DLEC1: variants seen among roughly 807,000 people sequenced by gnomAD.
DLEC1 encodes the protein DLEC1 cilia and flagella associated protein, also known as deleted in lung and esophageal cancer protein 1.
A neutral mutation model predicts 198.1 loss-of-function variants in DLEC1; 146 were observed. That is an observed-to-expected ratio of 0.74 (90% CI 0.64 to 0.85). The LOEUF is 0.85. Ranked by LOEUF, DLEC1 falls within the 40% of genes least tolerant of loss-of-function variation. DLEC1 has a pLI of 0.00. For synonymous variants in DLEC1, 897 were observed against 866.8 expected, an observed-to-expected ratio of 1.03 and a Z score of -0.61; for missense variants, 2,233 against 2,220.0, an observed-to-expected ratio of 1.01 and a Z score of -0.12.
Position 38,122,951 on chromosome 3 carries a change from C to A in DLEC1, c.*539C>A. ...CTGTCCACTGCCACCACCACCAGTG[C>A]TGAGTTTTCCCATGTGGTTTTGCTT... On this transcript the variant is annotated 3_prime_UTR_variant, in exon 37 of 37. Coordinates refer to ENST00000308059, the MANE Select transcript of DLEC1 (RefSeq NM_007335.4). The A allele has an allele frequency of 1.6e-6, 2 of 1,276,918 alleles. No homozygotes were observed. Among genetic ancestry groups the A allele is most frequent in the Non-Finnish European group, 2.3e-6 (2 of 885,752 alleles). 79.1% of individuals were successfully genotyped at this position (1,276,918 alleles called of 1,614,324 possible). A position where few individuals can be genotyped will look rare whatever the true frequency, so the allele number is the denominator to read the frequency against.
chr3:38,122,711 A>C lies in DLEC1; in HGVS notation c.*299A>C. 1 of 1,382,948 alleles carries C rather than the reference A, an allele frequency of 7.2e-7. No homozygotes were observed. Among genetic ancestry groups the C allele is most frequent in the Non-Finnish European group, 9.4e-7 (1 of 1,060,544 alleles). The allele number at this position is 1,382,948 out of a possible 1,614,324, so 85.7% of individuals were successfully genotyped here. A position where few individuals can be genotyped will look rare whatever the true frequency, so the allele number is the denominator to read the frequency against. ...GTCTTGGAAAAAAACCACAGCCACT[A>C]AGATAAATTCATGCACTTTTACTAT... On this transcript the variant is annotated 3_prime_UTR_variant, in exon 37 of 37. Coordinates refer to ENST00000308059, the MANE Select transcript of DLEC1 (RefSeq NM_007335.4).
chr3:38,069,006 A>G (rs1697175854), intron 6 of DLEC1, among the ~76,000 whole-genome samples: 1 of 152,208 alleles, frequency 6.6e-6, no homozygotes, highest in Non-Finnish European at 1.5e-5. Flanking sequence ...GGGAATATCC[A>G]TATCCTCCAT....
rs1271193639 is a variant in DLEC1 at position 38,041,324 on chromosome 3, T to A, written c.411+1688T>A. Among the ~76,000 whole-genome samples the A allele has an allele frequency of 3.3e-5, 5 of 152,022 alleles. No homozygotes were observed. The East Asian group carries it at 7.8e-4, about 24-fold the overall frequency. On this transcript the variant is annotated intron_variant, in intron 1 of 36. Transcript: ENST00000308059. ...GCCTAAATTTTTATTTTTTAAAAAT[T>A]GTGAGATGGGGTCCCACTATGTTGC...
Position 38,118,032 on chromosome 3 carries a change from G to C in DLEC1, c.4704+8G>C, listed in dbSNP as rs1450551063. On this transcript the variant is annotated splice_region_variant and intron_variant, in intron 33 of 36. Transcript: ENST00000308059. ...GCACAGGAGAACATGCTGGTCAGTG[G>C]GGGAGTCTGCAGCCCTTGCCTCGAT... The C allele has an allele frequency of 1.6e-5, 26 of 1,585,384 alleles. No individual in the cohort carries two copies. The highest frequency in any genetic ancestry group is 2.1e-5 in the Non-Finnish European group (25 of 1,166,396).
chr3:38,097,717 C>T lies in DLEC1; in HGVS notation c.2566-27C>T, dbSNP rs1001058757. 2.5e-6 allele frequency: 4 copies of T among 1,613,352 alleles called. No homozygotes were observed. In the African/African-American group the frequency reaches 4.0e-5, roughly 16 times the overall value. ...GACACTGAGCCATCCCCAGGTGGCC[C>T]AGTGACAGGCCCTCTGGGTGTCTCA... On this transcript the variant is annotated intron_variant, in intron 17 of 36. Transcript: ENST00000308059.
chr3:38,072,232 G>A (rs1323843026), intron 6 of DLEC1, among the ~76,000 whole-genome samples: 1 of 152,214 alleles, frequency 6.6e-6, no homozygotes, highest in Non-Finnish European at 1.5e-5. Flanking sequence ...GAGTGTAGCT[G>A]AAGGAGCCGG....
intron 6 of DLEC1, among the ~76,000 whole-genome samples, chr3:38,071,650 A>G (rs895365723): frequency 1.3e-5 from 2 of 152,210 alleles, no homozygotes; most frequent in Admixed American, 6.5e-5. Context: ...TTATCAGCAT[A>G]AGCGTTGCTT....
chr3:38,051,979 C>G lies in DLEC1; in HGVS notation c.562+6286C>G, dbSNP rs957115304. 4 of 181,216 alleles carry G rather than the reference C, an allele frequency of 2.2e-5. 1 individual carries two copies. Among genetic ancestry groups the G allele is most frequent in the Non-Finnish European group, 4.7e-5 (4 of 84,220 alleles). 11.2% of individuals were successfully genotyped at this position (181,216 alleles called of 1,614,324 possible). On this transcript the variant is annotated intron_variant, in intron 2 of 36. Transcript: ENST00000308059. ...TAGAAATCACACATAGACATTTTGA[C>G]GTGGTAGACATCAAACCTGCTAACC...
Position 38,086,275 on chromosome 3 carries a change from T to G in DLEC1, c.1470T>G (p.Ile490Met). The stretch of plus-strand genomic sequence containing the variant: ...TGTTGGACTGTGGTTACTGCCTCAT[T>G]GGGGGAGTCAAGATGACCAGATTCA... Reference protein sequence around the residue: ...SPVLDCGYCLIGGVKMTRFIC... With the variant: ...SPVLDCGYCLMGGVKMTRFIC... Residue 490 changes from isoleucine to methionine, a missense_variant, in exon 9 of 37, where the codon ATT (isoleucine) becomes ATG (methionine). Coordinates refer to ENST00000308059, the MANE Select transcript of DLEC1 (RefSeq NM_007335.4). 6.2e-7 allele frequency: 1 copy of G among 1,612,736 alleles called. No individual in the cohort carries two copies. The highest frequency in any genetic ancestry group is 1.3e-5 in the African/African-American group (1 of 74,976).
rs1700208135 is a variant in DLEC1, at chr3:38,116,981, C to T, written c.4186C>T (p.Pro1396Ser). ...YCISPKQVVV[P>S]AGGSSTIYIS... ...GCTGCTGTGTCTATGCCAGGTGGTC[C>T]CTGCTGGGGGCAGCAGTACCATCTA... The change falls in exon 30 of 37, where the codon CCT becomes TCT. Residue 1396 changes from proline (P) to serine (S), a missense_variant. Coordinates refer to ENST00000308059, the MANE Select transcript of DLEC1 (RefSeq NM_007335.4). 1.2e-6 allele frequency: 2 copies of T among 1,613,810 alleles called. No homozygotes were observed. Among genetic ancestry groups the T allele is most frequent in the Non-Finnish European group, 1.7e-6 (2 of 1,179,950 alleles).
intron 6 of DLEC1, among the ~76,000 whole-genome samples, chr3:38,081,663 G>A (rs1698011225): frequency 4.6e-5 from 4 of 86,090 alleles, no homozygotes; most frequent in Admixed American, 4.3e-4. Context: ...GCCGGGTGGG[G>A]GGGCTGACCC....
rs1698383470 is a variant in DLEC1, at chr3:38,085,156, G to A, written c.1262-118G>A. The A allele has an allele frequency of 2.7e-6, 3 of 1,122,272 alleles. 1 individual carries two copies. The South Asian group carries it at 3.9e-5, about 15-fold the overall frequency. 69.5% of individuals were successfully genotyped at this position (1,122,272 alleles called of 1,614,324 possible). ...CTTTTCCTGCCATCAGCGTGGCTTT[G>A]GCCCAGAAGGCACTTACAGAGCCAG... is the stretch of plus-strand genomic sequence containing the variant. On this transcript the variant is annotated intron_variant, in intron 7 of 36. Coordinates refer to ENST00000308059, the MANE Select transcript of DLEC1 (RefSeq NM_007335.4).
chr3:38,117,165 A>T, intron 30 of DLEC1, 43 bp from the exon 31 acceptor site: 1 of 1,614,026 alleles, frequency 6.2e-7, no homozygotes, highest in East Asian at 2.2e-5. Context: ...CATGCTGCCT[A>T]CTCAGCCCAG....
intron 6 of DLEC1, among the ~76,000 whole-genome samples, chr3:38,072,141 G>C (rs536013728): frequency 6.6e-6 from 1 of 152,340 alleles, no homozygotes; most frequent in East Asian, 1.9e-4. Flanking sequence ...AGGGTCAGGT[G>C]TGGTATCTGG....
intron 33 of DLEC1, among the ~76,000 whole-genome samples, chr3:38,118,468 G>A (rs1559467666): frequency 6.6e-6 from 1 of 152,198 alleles, no homozygotes; most frequent in Non-Finnish European, 1.5e-5. Context: ...AGGTTCTAAC[G>A]TAAAATTTCC....
In DLEC1 at chr3:38,100,327, C is replaced by G; in HGVS notation, c.2766C>G (p.His922Gln). The change falls in exon 19 of 37, where the codon CAC (histidine) becomes CAG (glutamine). Residue 922 changes from histidine (H) to glutamine (Q), a missense_variant. Transcript: ENST00000308059. ...TTGAGCCTTCGAGTGGCCAGCTTCA[C>G]TCTCTGGGGGAGTGCAGGGTGGACA... ...FDIEPSSGQL[H>Q]SLGECRVDIT... 1 of 1,613,696 alleles carries G rather than the reference C, an allele frequency of 6.2e-7. No homozygotes were observed. The highest frequency in any genetic ancestry group is 2.2e-5 in the East Asian group (1 of 44,822).
intron 6 of DLEC1, among the ~76,000 whole-genome samples, chr3:38,081,895 ACC>A (rs1231981892): frequency 1.6e-5 from 1 of 64,324 alleles, no homozygotes. Flanking sequence ...CGGGGGGCTG[ACC>A]CCCCCCCACC....
In DLEC1 at chr3:38,121,755, G is replaced by A. The variant is rs1219390907; in HGVS notation, c.4994G>A (p.Cys1665Tyr). ...REVYLMNLSG[C>Y]RSYWTMLMGQ... ...GTCTACCTGATGAACCTGAGCGGGT[G>A]CCGAAGCTACTGGACTATGCTGATG... The change falls in exon 35 of 37, where the codon TGC (cysteine) becomes TAC (tyrosine). Residue 1665 changes from cysteine to tyrosine, a missense_variant. By Grantham distance (194) the Cys-to-Tyr change is radical. Transcript: ENST00000308059. The A allele has an allele frequency of 6.2e-7, 1 of 1,614,072 alleles. No homozygotes were observed.
At chr3:38,106,680 C>T (rs1042476478) in intron 19 of DLEC1, among the ~76,000 whole-genome samples, 8 of 148,952 alleles carry the variant, frequency 5.4e-5, no homozygotes, top group Admixed American at 1.4e-4. Flanking sequence ...TTCTTGAACC[C>T]AGGAGGCAGA....
Sources: gnomAD v4.1 joint callset for allele counts (sites outside exome capture counted in the v4.1 genomes callset) on GRCh38, gnomAD v4.1.1 for gene constraint, MANE v1.5 for transcripts, NCBI Gene and HGNC (gene_info 2026-07-23, HGNC 2026-07-21) for gene names.